The following TLCD2 variants were observed in gnomAD, a reference collection of about 807,000 sequenced individuals.
TLCD2 encodes the protein TLC domain containing 2.
In TLCD2, 12 loss-of-function variants were observed where a neutral mutation model predicts 14.0. The observed-to-expected ratio is 0.86, with a 90% CI of 0.55 to 1.39. The LOEUF (loss-of-function observed/expected upper bound fraction) is 1.39, where lower values mean the gene tolerates loss of function less well. Among genes scored for constraint, TLCD2 ranks in the 40% most tolerant of loss-of-function variants. TLCD2 has a pLI of 0.00. For missense variants in TLCD2, 360 were observed against 346.8 expected, an observed-to-expected ratio of 1.04 and a Z score of -0.30; for synonymous variants, 166 against 156.5, an observed-to-expected ratio of 1.06 and a Z score of -0.45.
rs1224039291 is a variant in TLCD2 at position 1,708,026 on chromosome 17, G to A, written c.539C>T (p.Pro180Leu). ...LATLALFRLV[P>L]LGWMSLWLFR... The stretch of plus-strand genomic sequence containing the variant: ...CAGCCACAGACTCATCCACCCCAGC[G>A]GGACCAGGCGGAAGAGGGCCAAGGT... Residue 180 changes from proline to leucine, a missense_variant, in exon 4 of 4, where the codon CCG (proline) becomes CTG (leucine). Transcript: ENST00000330676. 2.3e-5 allele frequency: 35 copies of A among 1,537,112 alleles called. No homozygotes were observed. The highest frequency in any genetic ancestry group is 3.3e-4 in the Middle Eastern group (2 of 6,012).
rs1252260617 is a variant in TLCD2, at chr17:1,710,287, C to T, written c.-45G>A. Reference sequence around the variant, plus strand: ...TGCGGGGAGTCCGGGTCGGTCCCCTCGGCGCCCGCGCTCTCGGCCGGGACT... The same window carrying T: ...TGCGGGGAGTCCGGGTCGGTCCCCTTGGCGCCCGCGCTCTCGGCCGGGACT... On this transcript the variant is annotated 5_prime_UTR_variant, in exon 1 of 4. Coordinates refer to ENST00000330676, the MANE Select transcript of TLCD2 (RefSeq NM_001164407.2). The surrounding 1 kb of genome is among the most constrained non-coding windows in gnomAD (Gnocchi z 6.1). 6 of 1,418,666 alleles carry T rather than the reference C, an allele frequency of 4.2e-6. No individual in the cohort carries two copies. The highest frequency in any genetic ancestry group is 2.9e-5 in the East Asian group (1 of 35,054). The allele number at this position is 1,418,666 out of a possible 1,614,324, so 87.9% of individuals were successfully genotyped here. A position where few individuals can be genotyped will look rare whatever the true frequency, so the allele number is the denominator to read the frequency against.
Position 1,710,199 on chromosome 17 carries a change from G to A in TLCD2, c.44C>T (p.Ala15Val), listed in dbSNP as rs1206351761. The A allele has an allele frequency of 1.2e-5, 18 of 1,527,798 alleles. No homozygotes were observed. The highest frequency in any genetic ancestry group is 1.3e-5 in the Non-Finnish European group (15 of 1,144,064). The allele number at this position is 1,527,798 out of a possible 1,614,324, so 94.6% of individuals were successfully genotyped here. A position where few individuals can be genotyped will look rare whatever the true frequency, so the allele number is the denominator to read the frequency against. The change falls in exon 1 of 4, where the codon GCG becomes GTG. Residue 15 changes from alanine (A) to valine (V), a missense_variant. Ala to Val is a moderately conservative substitution (Grantham distance 64). Coordinates refer to ENST00000330676, the MANE Select transcript of TLCD2 (RefSeq NM_001164407.2). This position sits in a 1 kb window ranked among gnomAD's most constrained non-coding sequence, Gnocchi z 6.1. ...GLLVAGASFL[A>V]FRGLHWGLRR... ...CAACCCCCAGTGCAGCCCCCGGAACGCGAGGAAGGAGGCGCCGGCCACCAG... is the reference window on the plus strand; with the variant it reads ...CAACCCCCAGTGCAGCCCCCGGAACACGAGGAAGGAGGCGCCGGCCACCAG...
Position 1,706,434 on chromosome 17 carries a change from C to A in TLCD2, c.*1336G>T, listed in dbSNP as rs1914034733. 1 of 152,094 alleles carries A rather than the reference C, an allele frequency of 6.6e-6. No homozygotes were observed. Among genetic ancestry groups the A allele is most frequent in the African/African-American group, 2.4e-5 (1 of 41,406 alleles). 9.4% of individuals were successfully genotyped at this position (152,094 alleles called of 1,614,324 possible). ...TGCCGTCCTAAGAAGACAAACCAGC[C>A]CTGTGTTCATTCCTCTAAGAATCCG... On this transcript the variant is annotated 3_prime_UTR_variant, in exon 4 of 4. Transcript: ENST00000330676.
intron 3 of TLCD2, among the ~76,000 whole-genome samples, chr17:1,708,718 C>CAG (rs1914122534): frequency 6.6e-6 from 1 of 152,052 alleles, no homozygotes. Flanking sequence ...CTCCTGACCT[C>CAG]GTGATCCACC....
In TLCD2 at chr17:1,709,334, G is replaced by A. The variant is rs1222347669; in HGVS notation, c.342+165C>T. Among the ~76,000 whole-genome samples the A allele has an allele frequency of 2.2e-5, 3 of 136,770 alleles. No homozygotes were observed. In the South Asian group the frequency reaches 6.9e-4, roughly 31 times the overall value. The allele number at this position is 136,770 out of a possible 152,430, so 89.7% of individuals were successfully genotyped here. A position where few individuals can be genotyped will look rare whatever the true frequency, so the allele number is the denominator to read the frequency against. ...GAACCCAGGAGGCGAAGGTTGCAGT[G>A]AACAGAGGCCGAACCACTGGACCCC... On this transcript the variant is annotated intron_variant, in intron 3 of 3. Transcript: ENST00000330676.
chr17:1,708,141 A>G lies in TLCD2; in HGVS notation c.424T>C (p.Ser142Pro). 6.5e-7 allele frequency: 1 copy of G among 1,536,800 alleles called. No homozygotes were observed. The highest frequency in any genetic ancestry group is 8.7e-7 in the Non-Finnish European group (1 of 1,146,888). ...AGCTTCCGCAGGTGCAAGCAGGCAG[A>G]GTTCAGTTCCAGGAGCAGAGACACC... is the stretch of plus-strand genomic sequence containing the variant. The part of the protein sequence containing the change: ...SMVSLLLELN[S>P]ACLHLRKLLL... Residue 142 changes from serine to proline, a missense_variant, in exon 4 of 4, where the codon TCT (serine) becomes CCT (proline). By Grantham distance (74) the Ser-to-Pro change is moderately conservative (BLOSUM62 -1). Coordinates refer to ENST00000330676, the MANE Select transcript of TLCD2 (RefSeq NM_001164407.2).
At chr17:1,708,436 A>AT (rs1318094704) in intron 3 of TLCD2, among the ~76,000 whole-genome samples, 3 of 117,584 alleles carry the variant, frequency 2.6e-5, no homozygotes, top group African/African-American at 6.5e-5. Flanking sequence ...GGGCTGTCTC[A>AT]CCCCCTAATA....
At position 1,703,943 on chromosome 17, in the gene TLCD2, G is replaced by C. The variant is rs958469559; in HGVS notation, c.*3827C>G. 1.3e-5 allele frequency: 2 copies of C among 148,862 alleles called. No homozygotes were observed. The highest frequency in any genetic ancestry group is 3.0e-5 in the Non-Finnish European group (2 of 67,346). 9.2% of individuals were successfully genotyped at this position (148,862 alleles called of 1,614,324 possible). On this transcript the variant is annotated 3_prime_UTR_variant, in exon 4 of 4. Transcript: ENST00000330676. ...TTTTTTTAATTAAAAATTTTTTTTT[G>C]GCCGGGTGTGTTGGCTCACGCATAT...
rs2151144677 is a variant in TLCD2 at position 1,707,207 on chromosome 17, C to G, written c.*563G>C. On this transcript the variant is annotated 3_prime_UTR_variant, in exon 4 of 4. Coordinates refer to ENST00000330676, the MANE Select transcript of TLCD2 (RefSeq NM_001164407.2). ...AAGAAAAAGAAAAACAGGAGTGTGGCTTTGAGAACCAGAAACATCAGCAGC... is the reference window on the plus strand; with the variant it reads ...AAGAAAAAGAAAAACAGGAGTGTGGGTTTGAGAACCAGAAACATCAGCAGC... The G allele has an allele frequency of 6.5e-6, 1 of 152,796 alleles. No individual in the cohort carries two copies. The highest frequency in any genetic ancestry group is 2.1e-4 in the South Asian group (1 of 4,826). The allele number at this position is 152,796 out of a possible 1,614,324, so 9.5% of individuals were successfully genotyped here.
rs1049131939 is a variant in TLCD2 at position 1,708,087 on chromosome 17, G to A, written c.478C>T (p.Leu160=). The A allele has an allele frequency of 6.5e-7, 1 of 1,537,206 alleles. No individual in the cohort carries two copies. Reference sequence around the variant, plus strand: ...GCCCAGCTGGTCACGCTGAAGGCCAGGGATGGGGCCTGGCGAGAAAGCAAC... The same window carrying A: ...GCCCAGCTGGTCACGCTGAAGGCCAAGGATGGGGCCTGGCGAGAAAGCAAC... ...LLLLSRQAPS[L]AFSVTSWASL... The change falls in exon 4 of 4, where the codon CTG becomes TTG. Residue 160 remains leucine, a synonymous_variant. Transcript: ENST00000330676.
In TLCD2 at chr17:1,710,159, C is replaced by T. The variant is rs1316925918; in HGVS notation, c.84G>A (p.Thr28=). Residue 28 remains threonine (T), a synonymous_variant, in exon 1 of 4, where the codon ACG becomes ACA. Coordinates refer to ENST00000330676, the MANE Select transcript of TLCD2 (RefSeq NM_001164407.2). The surrounding 1 kb of genome is among the most constrained non-coding windows in gnomAD (Gnocchi z 6.1). ...GLHWGLRRLP[T]PESAARDRWQ... is the part of the protein sequence containing the mutation. ...AGCGGTCCCGAGCGGCCGATTCCGG[C>T]GTGGGCAGCCGCCGCAACCCCCAGT... 12 of 1,532,950 alleles carry T rather than the reference C, an allele frequency of 7.8e-6. No individual in the cohort carries two copies. The highest frequency in any genetic ancestry group is 1.0e-5 in the Non-Finnish European group (12 of 1,146,218). 95.0% of individuals were successfully genotyped at this position (1,532,950 alleles called of 1,614,324 possible). A position where few individuals can be genotyped will look rare whatever the true frequency, so the allele number is the denominator to read the frequency against.
In TLCD2 at chr17:1,707,408, C is replaced by T; in HGVS notation, c.*362G>A. The stretch of plus-strand genomic sequence containing the variant: ...CTCTCTGATCCTAGTGGGACTTCAC[C>T]TTCCCCCATCTGTCCCTGGGTTAAA... On this transcript the variant is annotated 3_prime_UTR_variant, in exon 4 of 4. Transcript: ENST00000330676. 1 of 242,226 alleles carries T rather than the reference C, an allele frequency of 4.1e-6. No homozygotes were observed. The highest frequency in any genetic ancestry group is 8.0e-6 in the Non-Finnish European group (1 of 125,500). The allele number at this position is 242,226 out of a possible 1,614,324, so 15.0% of individuals were successfully genotyped here. A position where few individuals can be genotyped will look rare whatever the true frequency, so the allele number is the denominator to read the frequency against.
Position 1,710,211 on chromosome 17 carries a change from G to A in TLCD2, c.32C>T (p.Ala11Val), listed in dbSNP as rs1914183619. 2 of 1,526,404 alleles carry A rather than the reference G, an allele frequency of 1.3e-6. No homozygotes were observed. The highest frequency in any genetic ancestry group is 5.0e-5 in the East Asian group (2 of 39,968). The allele number at this position is 1,526,404 out of a possible 1,614,324, so 94.6% of individuals were successfully genotyped here. MAPTGLLVAG[A>V]SFLAFRGLHW... ...CAGCCCCCGGAACGCGAGGAAGGAG[G>A]CGCCGGCCACCAGGAGCCCCGTGGG... Residue 11 changes from alanine to valine, a missense_variant, in exon 1 of 4, where the codon GCC becomes GTC. Transcript: ENST00000330676. This position sits in a 1 kb window ranked among gnomAD's most constrained non-coding sequence, Gnocchi z 6.1.
At position 1,706,749 on chromosome 17, in the gene TLCD2, G is replaced by A. The variant is rs1218167507; in HGVS notation, c.*1021C>T. On this transcript the variant is annotated 3_prime_UTR_variant, in exon 4 of 4. Transcript: ENST00000330676. ...AGATCAAGCCACTGCACTCCATCCT[G>A]GGCAACAGAGCAAGAACTTGTCTCA... 2.1e-5 allele frequency: 3 copies of A among 142,154 alleles called. No homozygotes were observed. Among genetic ancestry groups the A allele is most frequent in the Non-Finnish European group, 4.5e-5 (3 of 66,102 alleles). The allele number at this position is 142,154 out of a possible 1,614,324, so 8.8% of individuals were successfully genotyped here. A position where few individuals can be genotyped will look rare whatever the true frequency, so the allele number is the denominator to read the frequency against.
intron 3 of TLCD2, among the ~76,000 whole-genome samples, chr17:1,708,551 A>T (rs944482154): frequency 8.2e-6 from 1 of 121,668 alleles, no homozygotes; most frequent in African/African-American, 3.2e-5. Flanking sequence ...CAGTGGTGTG[A>T]TCTTGGCTCA....
Position 1,703,796 on chromosome 17 carries a change from G to A in TLCD2, c.*3974C>T, listed in dbSNP as rs1913946221. On this transcript the variant is annotated 3_prime_UTR_variant, in exon 4 of 4. Coordinates refer to ENST00000330676, the MANE Select transcript of TLCD2 (RefSeq NM_001164407.2). Reference sequence around the variant, plus strand: ...ATATCAACCTCAACAGATATTTAAGGAATAGATTCCTCACATGAGTTTGTC... The same window carrying A: ...ATATCAACCTCAACAGATATTTAAGAAATAGATTCCTCACATGAGTTTGTC... 6.6e-6 allele frequency: 1 copy of A among 152,114 alleles called. No individual in the cohort carries two copies. The highest frequency in any genetic ancestry group is 6.6e-5 in the Admixed American group (1 of 15,266). The allele number at this position is 152,114 out of a possible 1,614,324, so 9.4% of individuals were successfully genotyped here.
Position 1,707,825 on chromosome 17 carries a change from C to A in TLCD2, c.740G>T (p.Arg247Leu). 2.0e-6 allele frequency: 3 copies of A among 1,530,664 alleles called. No individual in the cohort carries two copies. Among genetic ancestry groups the A allele is most frequent in the Non-Finnish European group, 2.6e-6 (3 of 1,143,138 alleles). The allele number at this position is 1,530,664 out of a possible 1,614,324, so 94.8% of individuals were successfully genotyped here. The part of the protein sequence containing the change: ...GHEKTRGTRT[R>L]RDNGPVTSNS... ...GCTGGTGACAGGTCCATTGTCACGA[C>A]GTGTCCTGGTCCCCCTGGTTTTCTC... The change falls in exon 4 of 4, where the codon CGT (arginine) becomes CTT (leucine). Residue 247 changes from arginine (R) to leucine (L), a missense_variant. Physicochemically the swap from Arg to Leu is moderately radical, Grantham distance 102 (BLOSUM62 -2). Coordinates refer to ENST00000330676, the MANE Select transcript of TLCD2 (RefSeq NM_001164407.2).
rs1470539264 is a variant in TLCD2 at position 1,709,431 on chromosome 17, T to C, written c.342+68A>G. On this transcript the variant is annotated intron_variant, in intron 3 of 3. Transcript: ENST00000330676. ...AAAAAAAAAAAGAATGAGGAGAGAC[T>C]GGGAACCTCGGGCTGGACAGGGCTC... 18 of 735,222 alleles carry C rather than the reference T, an allele frequency of 2.4e-5. No individual in the cohort carries two copies. In the African/African-American group the frequency reaches 3.4e-4, roughly 14 times the overall value. 45.5% of individuals were successfully genotyped at this position (735,222 alleles called of 1,614,324 possible). A position where few individuals can be genotyped will look rare whatever the true frequency, so the allele number is the denominator to read the frequency against.
In TLCD2 at chr17:1,708,177, C is replaced by A; in HGVS notation, c.388G>T (p.Gly130Cys). The change falls in exon 4 of 4, where the codon GGC (glycine) becomes TGC (cysteine). Residue 130 changes from glycine (G) to cysteine (C), a missense_variant. Gly to Cys is a radical substitution (Grantham distance 159). Coordinates refer to ENST00000330676, the MANE Select transcript of TLCD2 (RefSeq NM_001164407.2). The part of the protein sequence containing the change: ...STAVLSGHYV[G>C]FSMVSLLLEL... ...AGGAGCAGAGACACCATGGAGAAGC[C>A]CACGTAGTGGCCAGACAGAACAGCG... 6.5e-7 allele frequency: 1 copy of A among 1,536,288 alleles called. No homozygotes were observed. Among genetic ancestry groups the A allele is most frequent in the Non-Finnish European group, 8.7e-7 (1 of 1,146,778 alleles).
Sources: gnomAD v4.1 joint callset for allele counts (sites outside exome capture counted in the v4.1 genomes callset) on GRCh38, gnomAD v4.1.1 for gene constraint, Gnocchi (gnomAD v3.1) non-coding constraint, MANE v1.5 for transcripts, NCBI Gene and HGNC (gene_info 2026-07-23, HGNC 2026-07-21) for gene names.